The following QTMAN variants were observed in gnomAD, a reference collection of about 807,000 sequenced individuals.
QTMAN encodes the protein tRNA-queuosine alpha-mannosyltransferase.
the QTMAN span, among the ~76,000 whole-genome samples, chr2:144,182,786 TATATATATATATTATATATATA>T: frequency 1.2e-4 from 2 of 16,442 alleles, no homozygotes; most frequent in South Asian, 2.4e-3. Context: ...TCAGGTACAT[TATATATATATATTATATATATA>T]ATATATATAT....
the QTMAN span, among the ~76,000 whole-genome samples, chr2:143,975,801 C>A: frequency 2.6e-5 from 4 of 152,248 alleles, no homozygotes; most frequent in South Asian, 8.3e-4. Context: ...TGTAAAGCCA[C>A]CTAAACATGC....
the QTMAN span, among the ~76,000 whole-genome samples, chr2:144,257,790 G>C: frequency 6.6e-6 from 1 of 151,930 alleles, no homozygotes; most frequent in Non-Finnish European, 1.5e-5. Flanking sequence ...AAATAAATCA[G>C]CAAAGAAATT....
chr2:144,278,566 A>G, the QTMAN span, among the ~76,000 whole-genome samples: 1 of 148,978 alleles, frequency 6.7e-6, no homozygotes, highest in Non-Finnish European at 1.5e-5. Flanking sequence ...TTAGCTGATG[A>G]GAAATGGAAG....
the QTMAN span, among the ~76,000 whole-genome samples, chr2:144,269,838 AACTC>A: frequency 6.6e-6 from 1 of 151,932 alleles, no homozygotes. Context: ...AAAAAAAAAA[AACTC>A]ACCTATTCCA....
At chr2:143,970,384 T>C in the QTMAN span, among the ~76,000 whole-genome samples, 2 of 152,238 alleles carry the variant, frequency 1.3e-5, no homozygotes, top group East Asian at 3.8e-4. Flanking sequence ...AGTGTTAAGA[T>C]GCCTAAAGCA....
chr2:144,155,988 T>G, the QTMAN span, among the ~76,000 whole-genome samples: 1 of 152,142 alleles, frequency 6.6e-6, no homozygotes, highest in Non-Finnish European at 1.5e-5. Flanking sequence ...CTGAGTCCTA[T>G]CTACTGATAA....
chr2:143,959,995 A>G, the QTMAN span, among the ~76,000 whole-genome samples: 22 of 152,148 alleles, frequency 1.4e-4, no homozygotes, highest in Non-Finnish European at 3.1e-4. Context: ...AGAAAACATC[A>G]GAGTGCGTCA....
At chr2:144,004,207 G>A in the QTMAN span, among the ~76,000 whole-genome samples, 4 of 151,974 alleles carry the variant, frequency 2.6e-5, no homozygotes, top group African/African-American at 9.7e-5. Flanking sequence ...TCAAAATACT[G>A]ACAAGAATAT....
chr2:144,005,606 G>A, the QTMAN span: 1 of 152,014 alleles, frequency 6.6e-6, no homozygotes, highest in African/African-American at 2.4e-5. Flanking sequence ...TGTTGATGCG[G>A]CTTTTTTCCC....
the QTMAN span, among the ~76,000 whole-genome samples, chr2:144,135,802 G>A: frequency 4.1e-3 from 624 of 152,184 alleles, 1 homozygote; most frequent in Non-Finnish European, 6.8e-3. Flanking sequence ...AAAAGTATCT[G>A]GTTTCCAGGT....
the QTMAN span, among the ~76,000 whole-genome samples, chr2:144,300,643 G>A: frequency 6.6e-6 from 1 of 152,096 alleles, no homozygotes; most frequent in Non-Finnish European, 1.5e-5. Context: ...AAAGCTTGAG[G>A]TCTGAATTTA....
At chr2:144,093,938 T>C in the QTMAN span, among the ~76,000 whole-genome samples, 1 of 152,230 alleles carries the variant, frequency 6.6e-6, no homozygotes, top group Non-Finnish European at 1.5e-5. Flanking sequence ...AATTATCTTA[T>C]TTGAGAAGGC....
chr2:144,169,980 TC>T, the QTMAN span, among the ~76,000 whole-genome samples: 4 of 152,180 alleles, frequency 2.6e-5, no homozygotes, highest in African/African-American at 9.6e-5. Flanking sequence ...CCAGTTTTTT[TC>T]CTATACATGC....
At chr2:144,177,012 G>C in the QTMAN span, 4 of 623,382 alleles carry the variant, frequency 6.4e-6, no homozygotes, top group East Asian at 8.2e-5. Flanking sequence ...AGGACAAAGA[G>C]AGAGAGTGGT....
At chr2:144,060,342 C>T in the QTMAN span, among the ~76,000 whole-genome samples, 2 of 151,938 alleles carry the variant, frequency 1.3e-5, no homozygotes. Context: ...CTCACTGCAA[C>T]CTCCGCCTCC....
At chr2:144,144,326 T>C in the QTMAN span, among the ~76,000 whole-genome samples, 1 of 151,878 alleles carries the variant, frequency 6.6e-6, no homozygotes, top group East Asian at 1.9e-4. Context: ...TCCTCCCTGA[T>C]ATGAGTGGAT....
At chr2:144,128,158 T>C in the QTMAN span, 1 of 151,970 alleles carries the variant, frequency 6.6e-6, no homozygotes, top group Non-Finnish European at 1.5e-5. Context: ...GAGAAAGCAT[T>C]AAAAATTTTG....
At chr2:144,069,497 A>G in the QTMAN span, among the ~76,000 whole-genome samples, 1 of 152,112 alleles carries the variant, frequency 6.6e-6, no homozygotes, top group Non-Finnish European at 1.5e-5. Context: ...GAAAAAAATA[A>G]TCTCAAAGCT....
the QTMAN span, among the ~76,000 whole-genome samples, chr2:144,020,152 T>C: frequency 2.0e-5 from 3 of 151,856 alleles, no homozygotes; most frequent in African/African-American, 4.8e-5. Flanking sequence ...CTTTAAATGA[T>C]AGGGAATGGG....
Sources: allele counts gnomAD v4.1 joint callset (sites outside exome capture counted in the v4.1 genomes callset), GRCh38; gene constraint gnomAD v4.1.1; transcripts MANE v1.5; gene names NCBI Gene and HGNC (gene_info 2026-07-23, HGNC 2026-07-21).